OSBPL11: variants seen among roughly 807,000 people sequenced by gnomAD.
OSBPL11 encodes oxysterol-binding protein-related protein 11.
OSBPL11 carries 33 observed loss-of-function variants against 84.4 expected under a neutral mutation model. That is an observed-to-expected ratio of 0.39 (90% CI 0.30 to 0.52). The LOEUF (loss-of-function observed/expected upper bound fraction) is 0.52, where lower values mean the gene tolerates loss of function less well. OSBPL11 is among the 20% of genes least tolerant of loss of function. OSBPL11 has a pLI of 0.72. For missense variants in OSBPL11, 736 were observed against 901.1 expected, an observed-to-expected ratio of 0.82 and a Z score of 2.35; for synonymous variants, 276 against 310.2, an observed-to-expected ratio of 0.89 and a Z score of 1.16.
At chr3:125,572,550 C>T (rs1006639269) in intron 5 of OSBPL11, among the ~76,000 whole-genome samples, 3 of 151,998 alleles carry the variant, frequency 2.0e-5, no homozygotes, top group Non-Finnish European at 4.4e-5. Context: ...GCAGGTCTTT[C>T]CCATGCTGTT....
intron 7 of OSBPL11, among the ~76,000 whole-genome samples, chr3:125,562,655 G>A (rs1045247644): frequency 2.0e-5 from 3 of 152,138 alleles, no homozygotes; most frequent in Non-Finnish European, 4.4e-5. Flanking sequence ...GGCCGGGTGC[G>A]GTAGCTCACA....
intron 11 of OSBPL11, among the ~76,000 whole-genome samples, chr3:125,533,666 T>A (rs1433484459): frequency 2.6e-5 from 4 of 152,132 alleles, no homozygotes; most frequent in Non-Finnish European, 4.4e-5. Flanking sequence ...GAATTCTCCA[T>A]AAATAACCAA....
At chr3:125,556,221 T>C (rs931803143) in intron 8 of OSBPL11, among the ~76,000 whole-genome samples, 5 of 152,170 alleles carry the variant, frequency 3.3e-5, no homozygotes, top group African/African-American at 9.7e-5. Context: ...GAGACAGACA[T>C]ACTGAAGACT....
intron 1 of OSBPL11, among the ~76,000 whole-genome samples, chr3:125,593,437 T>C (rs1936631878): frequency 6.6e-6 from 1 of 152,024 alleles, no homozygotes; most frequent in Non-Finnish European, 1.5e-5. Context: ...CTGGCCAACA[T>C]GGTGAAACCC....
Position 125,594,936 on chromosome 3 carries a change from G to A in OSBPL11, c.-136C>T. On this transcript the variant is annotated 5_prime_UTR_variant, in exon 1 of 13. Coordinates refer to ENST00000296220, the MANE Select transcript of OSBPL11 (RefSeq NM_022776.5). The stretch of plus-strand genomic sequence containing the variant: ...ATCACACGGCGGCTGGGGCGGGACT[G>A]TCAAATGGTCCAGAAAAGGAAGATA... 1 of 917,152 alleles carries A rather than the reference G, an allele frequency of 1.1e-6. No homozygotes were observed. The allele number at this position is 917,152 out of a possible 1,614,324, so 56.8% of individuals were successfully genotyped here.
chr3:125,576,310 G>A lies in OSBPL11; in HGVS notation c.545C>T (p.Pro182Leu), dbSNP rs1467502370. Residue 182 changes from proline (P) to leucine (L), a missense_variant, in exon 5 of 13, where the codon CCT becomes CTT. This residue lies in a region of OSBPL11 where 579 missense variants were observed against 717.6 expected (regional missense o/e 0.81). Coordinates refer to ENST00000296220, the MANE Select transcript of OSBPL11 (RefSeq NM_022776.5). ...TTGACTTGGTCTCCTCTGCGATATA[G>A]GAGAATTACTACTAGATGCAAGTGA... ...SFSLASSSNS[P>L]ISQRRPSQNA... 1 of 1,608,698 alleles carries A rather than the reference G, an allele frequency of 6.2e-7. No homozygotes were observed. Among genetic ancestry groups the A allele is most frequent in the South Asian group, 1.1e-5 (1 of 90,148 alleles).
intron 8 of OSBPL11, among the ~76,000 whole-genome samples, chr3:125,554,064 A>T (rs989088903): frequency 1.3e-5 from 2 of 152,208 alleles, no homozygotes; most frequent in African/African-American, 4.8e-5. Flanking sequence ...AGAAATGATA[A>T]AATAAAAATA....
At chr3:125,589,342 C>CAAAAAAAA (rs35267505) in intron 1 of OSBPL11, among the ~76,000 whole-genome samples, 39 of 61,884 alleles carry the variant, frequency 6.3e-4, no homozygotes, top group Non-Finnish European at 1.0e-3. Flanking sequence ...AACTCCATCT[C>CAAAAAAAA]AAAAAAAAAA....
intron 12 of OSBPL11, among the ~76,000 whole-genome samples, chr3:125,531,339 T>C (rs1935552572): frequency 1.3e-5 from 2 of 148,914 alleles, no homozygotes; most frequent in South Asian, 4.3e-4. Context: ...TTGCCCAGGC[T>C]GGAGTGCAAT....
In OSBPL11 at chr3:125,563,604, T is replaced by C. The variant is rs1241005503; in HGVS notation, c.1014+94A>G. Reference sequence around the variant, plus strand: ...TCAAGAGTGTTGCTCAGGTGTTAAGTTGATGTGCATGAGCTGACAATGAAA... The same window carrying C: ...TCAAGAGTGTTGCTCAGGTGTTAAGCTGATGTGCATGAGCTGACAATGAAA... On this transcript the variant is annotated intron_variant, in intron 7 of 12. Transcript: ENST00000296220. 1.1e-5 allele frequency: 13 copies of C among 1,226,666 alleles called. No individual in the cohort carries two copies. The South Asian group carries it at 1.4e-4, about 13-fold the overall frequency. The allele number at this position is 1,226,666 out of a possible 1,614,324, so 76.0% of individuals were successfully genotyped here.
intron 5 of OSBPL11, among the ~76,000 whole-genome samples, chr3:125,574,498 T>C (rs946446928): frequency 6.6e-5 from 10 of 151,084 alleles, no homozygotes; most frequent in South Asian, 2.1e-4. Flanking sequence ...TTTTTTTTTT[T>C]CCTGTGGACT....
At chr3:125,571,591 C>T (rs1032702905) in intron 5 of OSBPL11, among the ~76,000 whole-genome samples, 1 of 151,852 alleles carries the variant, frequency 6.6e-6, no homozygotes, top group Non-Finnish European at 1.5e-5. Context: ...ACTTGGTGCC[C>T]TGTGTCCCAG....
At chr3:125,593,933 A>G (rs1162914074) in intron 1 of OSBPL11, among the ~76,000 whole-genome samples, 1 of 152,192 alleles carries the variant, frequency 6.6e-6, no homozygotes, top group African/African-American at 2.4e-5. Context: ...TACACTTCAT[A>G]TATGAAAAAA....
In OSBPL11 at chr3:125,595,043, T is replaced by C. The variant is rs1448822750; in HGVS notation, c.-243A>G. On this transcript the variant is annotated 5_prime_UTR_variant, in exon 1 of 13. Transcript: ENST00000296220. ...ATCCTTCACATGTATCTCTCTCCTT[T>C]CCGGCAAAAGCAAGGAGGAAAAAGC... is the stretch of plus-strand genomic sequence containing the variant. The C allele has an allele frequency of 7.8e-5, 33 of 423,348 alleles. No individual in the cohort carries two copies. The highest frequency in any genetic ancestry group is 4.3e-6 in the Non-Finnish European group (1 of 234,814). The allele number at this position is 423,348 out of a possible 1,614,324, so 26.2% of individuals were successfully genotyped here.
chr3:125,585,463 T>C (rs1240353632), intron 1 of OSBPL11, among the ~76,000 whole-genome samples: 1 of 152,018 alleles, frequency 6.6e-6, no homozygotes, highest in Non-Finnish European at 1.5e-5. Flanking sequence ...TTTCACATCA[T>C]AGTAATGTTC....
At chr3:125,534,097 C>T (rs1451992558) in intron 11 of OSBPL11, among the ~76,000 whole-genome samples, 1 of 152,010 alleles carries the variant, frequency 6.6e-6, no homozygotes, top group Non-Finnish European at 1.5e-5. Context: ...GAAACATTTA[C>T]CAAGGCCAGG....
chr3:125,572,218 G>A (rs1317286157), intron 5 of OSBPL11, among the ~76,000 whole-genome samples: 1 of 152,186 alleles, frequency 6.6e-6, no homozygotes, highest in African/African-American at 2.4e-5. Flanking sequence ...CATTTGGAAT[G>A]GCTGTATTTA....
chr3:125,559,176 G>T (rs1468478288), intron 8 of OSBPL11, among the ~76,000 whole-genome samples: 1 of 152,170 alleles, frequency 6.6e-6, no homozygotes, highest in Non-Finnish European at 1.5e-5. Flanking sequence ...TACAGAAAAA[G>T]TCTGCAGACT....
intron 4 of OSBPL11, 56 bp downstream of exon 4, chr3:125,578,900 AAAAT>A: frequency 5.2e-6 from 6 of 1,148,344 alleles, no homozygotes; most frequent in South Asian, 3.4e-5. Context: ...TAAAAGGCAA[AAAAT>A]AAAAAATATT....
Sources: allele counts gnomAD v4.1 joint callset (sites outside exome capture counted in the v4.1 genomes callset), GRCh38; gene constraint gnomAD v4.1.1; regional missense constraint gnomAD v4.1.1; transcripts MANE v1.5; gene names NCBI Gene and HGNC (gene_info 2026-07-23, HGNC 2026-07-21).